SEPTIN9: variants seen among roughly 807,000 people sequenced by gnomAD.
SEPTIN9 encodes septin 9, also known as septin-9.
A neutral mutation model predicts 56.6 loss-of-function variants in SEPTIN9; 13 were observed. The ratio of observed to expected loss-of-function variants is 0.23; its 90% CI spans 0.15 to 0.37. The LOEUF (loss-of-function observed/expected upper bound fraction) is 0.37. Among genes scored for constraint, SEPTIN9 ranks in the 10% least tolerant of loss-of-function variants. The pLI is 1.00. For synonymous variants in SEPTIN9, 332 were observed against 334.1 expected (o/e 0.99, Z 0.07); for missense variants, 650 against 823.1 (o/e 0.79, Z 2.57).
intron 2 of SEPTIN9, among the ~76,000 whole-genome samples, chr17:77,366,556 T>C (rs1236311199): frequency 6.6e-6 from 1 of 152,198 alleles, no homozygotes; most frequent in Non-Finnish European, 1.5e-5. Context: ...AGAGGGATCA[T>C]CTTGGAGGGG....
intron 1 of SEPTIN9, 58 bp from the exon 2 acceptor site, chr17:77,307,083 C>T: frequency 1.3e-6 from 2 of 1,505,404 alleles, no homozygotes; most frequent in South Asian, 1.1e-5. Flanking sequence ...TAATCATCCA[C>T]CCGGAGGGAG....
rs562604397 is a variant in SEPTIN9, at chr17:77,429,250, G to A, written c.721+26547G>A. ...TTGCAGGTGGAGAAGCTCGTTGACC[G>A]TGACCTTGATCTGACCGTAATTTTG... On this transcript the variant is annotated intron_variant, in intron 3 of 11. Coordinates refer to ENST00000427177, the MANE Select transcript of SEPTIN9 (RefSeq NM_001113491.2). The surrounding 1 kb of genome is among the most constrained non-coding windows in gnomAD (Gnocchi z 5.2). The A allele has an allele frequency of 1.7e-5, 8 of 471,138 alleles. No individual in the cohort carries two copies. The highest frequency in any genetic ancestry group is 1.0e-4 in the African/African-American group (5 of 50,216). 29.2% of individuals were successfully genotyped at this position (471,138 alleles called of 1,614,324 possible). A position where few individuals can be genotyped will look rare whatever the true frequency, so the allele number is the denominator to read the frequency against.
chr17:77,344,969 C>CAAAA (rs35165946), intron 2 of SEPTIN9, among the ~76,000 whole-genome samples: 1 of 67,956 alleles, frequency 1.5e-5, no homozygotes, highest in African/African-American at 5.1e-5. Flanking sequence ...AAGACTGCCT[C>CAAAA]AAAAAAAAAA....
At position 77,436,551 on chromosome 17, in the gene SEPTIN9, C is replaced by A. The variant is rs2037344020; in HGVS notation, c.721+33848C>A. Among the ~76,000 whole-genome samples the A allele has an allele frequency of 6.6e-6, 1 of 152,224 alleles. No individual in the cohort carries two copies. The highest frequency in any genetic ancestry group is 1.5e-5 in the Non-Finnish European group (1 of 68,040). ...TCCTCCCACTTCCTTTGCCATGGGC[C>A]CCCTCCTCCACGCAGACCCTCAGCC... On this transcript the variant is annotated intron_variant, in intron 3 of 11. Transcript: ENST00000427177. This position sits in a 1 kb window ranked among gnomAD's most constrained non-coding sequence, Gnocchi z 4.4.
At chr17:77,407,281 T>TAAA (rs1271609942) in intron 3 of SEPTIN9, among the ~76,000 whole-genome samples, 4 of 20,634 alleles carry the variant, frequency 1.9e-4, no homozygotes, top group Admixed American at 1.2e-3. Context: ...AGACCCTGTC[T>TAAA]CAAAAAAAAA....
At chr17:77,484,855 GT>G (rs1247996740) in intron 4 of SEPTIN9, among the ~76,000 whole-genome samples, 21 of 144,270 alleles carry the variant, frequency 1.5e-4, no homozygotes, top group South Asian at 2.2e-4. Flanking sequence ...TGGTGGTGAT[GT>G]GGGTGGTGGT....
intron 3 of SEPTIN9, among the ~76,000 whole-genome samples, chr17:77,417,840 G>T (rs7207891): frequency 1.7e-4 from 26 of 152,058 alleles, no homozygotes; most frequent in Admixed American, 3.9e-4. Flanking sequence ...CCTACCGGAG[G>T]GGGGGTTCCA....
intron 3 of SEPTIN9, among the ~76,000 whole-genome samples, chr17:77,454,965 G>T (rs1421138046): frequency 6.6e-6 from 1 of 152,254 alleles, no homozygotes; most frequent in Non-Finnish European, 1.5e-5. Flanking sequence ...GGGGGTCAGT[G>T]CAAAGGGCCT....
At chr17:77,311,697 G>C (rs748400898) in intron 2 of SEPTIN9, among the ~76,000 whole-genome samples, 5 of 152,156 alleles carry the variant, frequency 3.3e-5, no homozygotes, top group Admixed American at 6.5e-5. Flanking sequence ...GTGCCTCCTC[G>C]CTATTTCCCC....
chr17:77,446,331 T>C, intron 3 of SEPTIN9: 1 of 165,216 alleles, frequency 6.1e-6, no homozygotes. Context: ...TACAGCCTCC[T>C]CCTTCTCTGC....
Position 77,363,654 on chromosome 17 carries a change from C to A in SEPTIN9, c.77-38405C>A, listed in dbSNP as rs185936784. Among the ~76,000 whole-genome samples, 117 of 152,258 alleles carry A rather than the reference C, an allele frequency of 7.7e-4. 1 individual carries two copies. Among genetic ancestry groups the A allele is most frequent in the African/African-American group, 2.7e-3 (113 of 41,554 alleles). ...CCGCCCACCTTGGCCTCCCAAAGTG[C>A]TGGGATTACAGGCATGAGCCACTGT... is the stretch of plus-strand genomic sequence containing the variant. On this transcript the variant is annotated intron_variant, in intron 2 of 11. Coordinates refer to ENST00000427177, the MANE Select transcript of SEPTIN9 (RefSeq NM_001113491.2).
rs1598266436 is a variant in SEPTIN9 at position 77,371,017 on chromosome 17, A to T, written c.77-31042A>T. 6.6e-6 allele frequency among the ~76,000 whole-genome samples: 1 copy of T among 152,246 alleles called. No homozygotes were observed. Among genetic ancestry groups the T allele is most frequent in the East Asian group, 1.9e-4 (1 of 5,202 alleles). ...GCCCAGCTGTTTCCCATCTCCTCTG[A>T]GGACAGGAAAAAAAAGGAAATAAAT... On this transcript the variant is annotated intron_variant, in intron 2 of 11. Transcript: ENST00000427177. The surrounding 1 kb of genome is among the most constrained non-coding windows in gnomAD (Gnocchi z 4.1).
intron 1 of SEPTIN9, among the ~76,000 whole-genome samples, chr17:77,292,297 G>A (rs775518652): frequency 6.6e-6 from 1 of 152,062 alleles, no homozygotes; most frequent in Admixed American, 6.6e-5. Flanking sequence ...TCTACCTGTT[G>A]GTCTCCATCT....
intron 2 of SEPTIN9, among the ~76,000 whole-genome samples, chr17:77,382,387 G>A (rs1288184376): frequency 6.6e-6 from 1 of 152,250 alleles, no homozygotes. Context: ...TCTGTGCCTG[G>A]CACAGCTGCC....
chr17:77,439,365 C>T (rs892760947), intron 3 of SEPTIN9, among the ~76,000 whole-genome samples: 2 of 152,124 alleles, frequency 1.3e-5, no homozygotes, highest in African/African-American at 2.4e-5. Flanking sequence ...TATCTGCAGC[C>T]CTGGGGGCCC....
intron 1 of SEPTIN9, among the ~76,000 whole-genome samples, chr17:77,284,700 G>A (rs768332206): frequency 4.6e-5 from 7 of 152,178 alleles, no homozygotes; most frequent in Non-Finnish European, 1.0e-4. Flanking sequence ...CATGATCTCA[G>A]CTTACTGCAA....
At chr17:77,295,284 G>A (rs928828505) in intron 1 of SEPTIN9, among the ~76,000 whole-genome samples, 4 of 152,166 alleles carry the variant, frequency 2.6e-5, no homozygotes, top group African/African-American at 9.7e-5. Context: ...GCATTGTGGG[G>A]GTGACCTGGA....
At chr17:77,297,392 G>A (rs951848120) in intron 1 of SEPTIN9, among the ~76,000 whole-genome samples, 1 of 152,116 alleles carries the variant, frequency 6.6e-6, no homozygotes, top group African/African-American at 2.4e-5. Flanking sequence ...CATCCATATT[G>A]AGGGAGGATC....
At chr17:77,424,148 T>C (rs1413073462) in intron 3 of SEPTIN9, among the ~76,000 whole-genome samples, 2 of 152,268 alleles carry the variant, frequency 1.3e-5, no homozygotes, top group Non-Finnish European at 2.9e-5. Context: ...GGCTCGAAGC[T>C]TTATGCGCTT....
Sources: allele counts gnomAD v4.1 joint callset (sites outside exome capture counted in the v4.1 genomes callset), GRCh38; gene constraint gnomAD v4.1.1; non-coding constraint Gnocchi (gnomAD v3.1); transcripts MANE v1.5; gene names NCBI Gene and HGNC (gene_info 2026-07-23, HGNC 2026-07-21).